The following PTPRD variants were observed in gnomAD, a reference collection of about 807,000 sequenced individuals.
PTPRD encodes the protein protein tyrosine phosphatase receptor type D, also known as receptor-type tyrosine-protein phosphatase delta.
PTPRD carries 34 observed loss-of-function variants against 214.5 expected under a neutral mutation model. The ratio of observed to expected loss-of-function variants is 0.16; its 90% CI spans 0.12 to 0.21. The LOEUF (loss-of-function observed/expected upper bound fraction) is 0.21, where lower values mean the gene tolerates loss of function less well. Among genes scored for constraint, PTPRD ranks in the 10% least tolerant of loss-of-function variants. The pLI is 1.00. For missense variants in PTPRD, 2,545 were observed against 2,398.7 expected (o/e 1.06, Z -1.27); for synonymous variants, 1,128 against 845.7 (o/e 1.33, Z -5.79).
At chr9:8,961,197 T>G in intron 11 of PTPRD, among the ~76,000 whole-genome samples, 1 of 152,102 alleles carries the variant, frequency 6.6e-6, no homozygotes, top group Non-Finnish European at 1.5e-5. Flanking sequence ...AGCTTATATT[T>G]GATTTATGAC....
At chr9:8,751,566 A>G (rs917375862) in intron 11 of PTPRD, among the ~76,000 whole-genome samples, 3 of 152,168 alleles carry the variant, frequency 2.0e-5, no homozygotes, top group Non-Finnish European at 4.4e-5. Context: ...CCCTTCCAAT[A>G]ATTCAAACAT....
Position 8,926,656 on chromosome 9 carries a change from T to A in PTPRD, c.-104+92041A>T, listed in dbSNP as rs1035529514. ...GATTCTTTCCACTGGAAATAATCAT[T>A]CCCATGTCTGAATTCTATTCTGTCA... On this transcript the variant is annotated intron_variant, in intron 11 of 45. Coordinates refer to ENST00000381196, the MANE Select transcript of PTPRD (RefSeq NM_002839.4). 2.0e-5 allele frequency among the ~76,000 whole-genome samples: 3 copies of A among 152,194 alleles called. No homozygotes were observed. In the South Asian group the frequency reaches 6.2e-4, roughly 31 times the overall value.
At chr9:9,799,844 G>C (rs1244713816) in intron 5 of PTPRD, among the ~76,000 whole-genome samples, 1 of 152,162 alleles carries the variant, frequency 6.6e-6, no homozygotes, top group Admixed American at 6.5e-5. Context: ...TAGACTGAGA[G>C]AGACTAGGTG....
Position 8,704,393 on chromosome 9 carries a change from G to A in PTPRD, c.64+29387C>T, listed in dbSNP as rs180789882. On this transcript the variant is annotated intron_variant, in intron 12 of 45. Coordinates refer to ENST00000381196, the MANE Select transcript of PTPRD (RefSeq NM_002839.4). ...ACAGGGAAGGAGGAAAGCAGAGTAG[G>A]AAGGAGGATGGGAAGAAGGAAAAAA... is the stretch of plus-strand genomic sequence containing the variant. 4.7e-3 allele frequency among the ~76,000 whole-genome samples: 710 copies of A among 152,274 alleles called. 2 individuals are homozygous for A. Among genetic ancestry groups the A allele is most frequent in the Non-Finnish European group, 7.5e-3 (507 of 68,020 alleles).
rs191860893 is a variant in PTPRD at position 8,781,902 on chromosome 9, T to C, written c.-103-47956A>G. Among the ~76,000 whole-genome samples, 1,072 of 152,316 alleles carry C rather than the reference T, an allele frequency of 7.0e-3. 13 individuals are homozygous for C. The highest frequency in any genetic ancestry group is 0.025 in the African/African-American group (1,029 of 41,574). ...ACAGGCCAGCAAGTGGGTCAGCTCA[T>C]GGTCCATCCATAAGACATTCTAGTA... On this transcript the variant is annotated intron_variant, in intron 11 of 45. Transcript: ENST00000381196.
At chr9:9,209,405 G>C (rs896529072) in intron 9 of PTPRD, among the ~76,000 whole-genome samples, 2 of 152,088 alleles carry the variant, frequency 1.3e-5, no homozygotes, top group African/African-American at 4.8e-5. Flanking sequence ...AGTTCATCTG[G>C]ATTCAGATAC....
Position 9,426,485 on chromosome 9 carries a change from A to G in PTPRD, c.-236-29003T>C, listed in dbSNP as rs143670333. 8.7e-3 allele frequency among the ~76,000 whole-genome samples: 1,318 copies of G among 152,306 alleles called. 13 individuals carry two copies. The highest frequency in any genetic ancestry group is 0.028 in the African/African-American group (1,184 of 41,580). ...CTGTAGACTCCACCTCTGACGGCAGAGCATAGCTGAACAAAAGGAGCAGAA... is the reference window on the plus strand; with the variant it reads ...CTGTAGACTCCACCTCTGACGGCAGGGCATAGCTGAACAAAAGGAGCAGAA... On this transcript the variant is annotated intron_variant, in intron 8 of 45. Transcript: ENST00000381196.
At chr9:10,153,072 A>G (rs534266233) in intron 3 of PTPRD, among the ~76,000 whole-genome samples, 3 of 152,276 alleles carry the variant, frequency 2.0e-5, no homozygotes, top group African/African-American at 7.2e-5. Flanking sequence ...GACAGAAGAA[A>G]TAAGTTCTGG....
At chr9:8,650,256 A>T (rs1424455739) in intron 12 of PTPRD, among the ~76,000 whole-genome samples, 6 of 151,670 alleles carry the variant, frequency 4.0e-5, no homozygotes, top group Non-Finnish European at 4.4e-5. Flanking sequence ...GTGGACGGGC[A>T]CGGTGGCTCA....
At chr9:9,324,874 T>A (rs572188773) in intron 9 of PTPRD, among the ~76,000 whole-genome samples, 5 of 152,192 alleles carry the variant, frequency 3.3e-5, no homozygotes, top group African/African-American at 1.2e-4. Context: ...TTGTATAAGG[T>A]GTAAGGAAGG....
intron 39 of PTPRD, among the ~76,000 whole-genome samples, chr9:8,355,101 A>G (rs1192418642): frequency 6.6e-6 from 1 of 152,010 alleles, no homozygotes; most frequent in East Asian, 1.9e-4. Flanking sequence ...TGGGAGGTGG[A>G]TCGTTCATGA....
intron 14 of PTPRD, among the ~76,000 whole-genome samples, chr9:8,596,085 G>C (rs1312516998): frequency 1.3e-5 from 2 of 152,068 alleles, no homozygotes; most frequent in East Asian, 3.8e-4. Context: ...TTTCACAAAA[G>C]TAATATATCC....
rs1350395406 is a variant in PTPRD at position 8,636,830 on chromosome 9, T to C, written c.79A>G (p.Thr27Ala). The C allele has an allele frequency of 6.2e-7, 1 of 1,613,766 alleles. No individual in the cohort carries two copies. The highest frequency in any genetic ancestry group is 8.5e-7 in the Non-Finnish European group (1 of 1,179,706). Reference protein sequence around the residue: ...RTDAETPPRFTRTPVDQTGVS... With the variant: ...RTDAETPPRFARTPVDQTGVS... Reference sequence around the variant, plus strand: ...CCTGTCTGATCAACGGGTGTTCGTGTAAACCTTGGAGGTGCTGAAATAAAA... The same window carrying C: ...CCTGTCTGATCAACGGGTGTTCGTGCAAACCTTGGAGGTGCTGAAATAAAA... The change falls in exon 13 of 46, where the codon ACA (threonine) becomes GCA (alanine). Residue 27 changes from threonine to alanine, a missense_variant. Coordinates refer to ENST00000381196, the MANE Select transcript of PTPRD (RefSeq NM_002839.4).
intron 9 of PTPRD, among the ~76,000 whole-genome samples, chr9:9,292,442 A>G (rs1414537147): frequency 2.0e-5 from 3 of 148,700 alleles, no homozygotes; most frequent in Non-Finnish European, 4.6e-5. Flanking sequence ...GTTTACCAAG[A>G]GAGTATTTTT....
At chr9:8,963,258 G>A (rs1275445407) in intron 11 of PTPRD, among the ~76,000 whole-genome samples, 1 of 152,086 alleles carries the variant, frequency 6.6e-6, no homozygotes, top group African/African-American at 2.4e-5. Flanking sequence ...GAAAAGCTAG[G>A]ATATAGTTAC....
chr9:8,366,432 G>C (rs1321476654), intron 39 of PTPRD, among the ~76,000 whole-genome samples: 2 of 152,074 alleles, frequency 1.3e-5, no homozygotes, highest in Admixed American at 1.3e-4. Context: ...GGTGAGATGG[G>C]AAGAGACAGA....
At chr9:8,508,489 C>T (rs2097585516) in intron 21 of PTPRD, among the ~76,000 whole-genome samples, 1 of 152,116 alleles carries the variant, frequency 6.6e-6, no homozygotes, top group East Asian at 1.9e-4. Context: ...TGATCATTAC[C>T]CTTGATATTA....
At chr9:9,647,951 T>C (rs977960527) in intron 7 of PTPRD, among the ~76,000 whole-genome samples, 1 of 152,198 alleles carries the variant, frequency 6.6e-6, no homozygotes, top group Non-Finnish European at 1.5e-5. Flanking sequence ...GCATACTCTT[T>C]CTTTTGTTGA....
At chr9:9,232,925 T>C (rs1472424040) in intron 9 of PTPRD, among the ~76,000 whole-genome samples, 2 of 152,030 alleles carry the variant, frequency 1.3e-5, no homozygotes, top group Admixed American at 6.6e-5. Flanking sequence ...GCTATAAACC[T>C]AGAAAAATAC....
Sources: gnomAD v4.1 joint callset for allele counts (sites outside exome capture counted in the v4.1 genomes callset) on GRCh38, gnomAD v4.1.1 for gene constraint, MANE v1.5 for transcripts, NCBI Gene and HGNC (gene_info 2026-07-23, HGNC 2026-07-21) for gene names.